CTNND2: variants seen among roughly 807,000 people sequenced by gnomAD.
The protein encoded by CTNND2 is catenin delta-2.
A neutral mutation model predicts 144.4 loss-of-function variants in CTNND2; 22 were observed. That is an observed-to-expected ratio of 0.15 (90% CI 0.11 to 0.22). The LOEUF (loss-of-function observed/expected upper bound fraction) is 0.22, where lower values mean the gene tolerates loss of function less well. CTNND2 is among the 10% of genes least tolerant of loss of function. The pLI is 1.00. For synonymous variants in CTNND2, 751 were observed against 695.6 expected (o/e 1.08, Z -1.25); for missense variants, 1,353 against 1,618.8 (o/e 0.84, Z 2.82).
At chr5:11,273,486 C>G (rs116625298) in intron 9 of CTNND2, among the ~76,000 whole-genome samples, 3,000 of 152,270 alleles carry the variant, frequency 0.02, 41 homozygotes, top group Middle Eastern at 0.054. Context: ...AACTCAGATG[C>G]CTTCATTAAA....
rs142850251 is a variant in CTNND2, at chr5:11,268,659, A to G, written c.1629-31836T>C. 1.4e-4 allele frequency among the ~76,000 whole-genome samples: 22 copies of G among 152,264 alleles called. 1 individual carries two copies. The highest frequency in any genetic ancestry group is 5.9e-4 in the Admixed American group (9 of 15,286). Reference sequence around the variant, plus strand: ...ATAGCAAATATATATATAAAGTACTATCACACTATAATGGTGTAATGGATT... The same window carrying G: ...ATAGCAAATATATATATAAAGTACTGTCACACTATAATGGTGTAATGGATT... On this transcript the variant is annotated intron_variant, in intron 9 of 21. Transcript: ENST00000304623.
Position 11,497,518 on chromosome 5 carries a change from G to C in CTNND2, c.287+67426C>G, listed in dbSNP as rs1206930546. Among the ~76,000 whole-genome samples, 8 of 49,600 alleles carry C rather than the reference G, an allele frequency of 1.6e-4. 1 individual carries two copies. The highest frequency in any genetic ancestry group is 7.0e-4 in the African/African-American group (8 of 11,454). The allele number at this position is 49,600 out of a possible 152,430, so 32.5% of individuals were successfully genotyped here. ...GAGGCAAAGAATGATGTGCGGGGGG[G>C]TGGGGGGGGGCAATATGTGCAAAGG... On this transcript the variant is annotated intron_variant, in intron 3 of 21. Coordinates refer to ENST00000304623, the MANE Select transcript of CTNND2 (RefSeq NM_001332.4).
chr5:11,293,004 T>C (rs1048923620), intron 9 of CTNND2, among the ~76,000 whole-genome samples: 1 of 152,192 alleles, frequency 6.6e-6, no homozygotes, highest in Admixed American at 6.5e-5. Context: ...GCCAATGTGC[T>C]AAAATCCTTC....
At chr5:11,690,358 T>C (rs574268948) in intron 2 of CTNND2, among the ~76,000 whole-genome samples, 95 of 152,348 alleles carry the variant, frequency 6.2e-4, no homozygotes, top group South Asian at 1.4e-3. Flanking sequence ...GCAAATTGTA[T>C]AGTCCTCAAA....
At chr5:11,132,601 G>A (rs1009531533) in intron 12 of CTNND2, among the ~76,000 whole-genome samples, 1 of 152,162 alleles carries the variant, frequency 6.6e-6, no homozygotes, top group Non-Finnish European at 1.5e-5. Context: ...CCCAGAATGT[G>A]AGAAATACAT....
chr5:11,397,278 G>C, intron 5 of CTNND2, 75 bp from the exon 6 acceptor site: 1 of 1,309,452 alleles, frequency 7.6e-7, no homozygotes, highest in Non-Finnish European at 1.1e-6. Context: ...TTTATTGAGA[G>C]TAGCCTAGAA....
intron 18 of CTNND2, among the ~76,000 whole-genome samples, chr5:11,005,056 G>C (rs1361570509): frequency 6.6e-6 from 1 of 152,226 alleles, no homozygotes; most frequent in Non-Finnish European, 1.5e-5. Flanking sequence ...GGGAAGGACT[G>C]CTATTAGCCT....
rs117454013 is a variant in CTNND2 at position 11,305,224 on chromosome 5, A to G, written c.1628+41148T>C. On this transcript the variant is annotated intron_variant, in intron 9 of 21. Coordinates refer to ENST00000304623, the MANE Select transcript of CTNND2 (RefSeq NM_001332.4). ...CAGGTACTATTACCATCTCCGTTTG[A>G]CAGATGAGGAACCTGGCACAGGAAG... Among the ~76,000 whole-genome samples, 138 of 152,308 alleles carry G rather than the reference A, an allele frequency of 9.1e-4. 3 individuals carry two copies. The East Asian group carries it at 0.018, about 20-fold the overall frequency.
At chr5:11,545,136 G>A (rs1312492525) in intron 3 of CTNND2, among the ~76,000 whole-genome samples, 47 of 122,070 alleles carry the variant, frequency 3.9e-4, no homozygotes, top group African/African-American at 6.8e-4. Flanking sequence ...AAAAAAAAAA[G>A]GAAAAAAAAA....
intron 11 of CTNND2, among the ~76,000 whole-genome samples, chr5:11,193,246 C>T (rs139237994): frequency 8.3e-4 from 127 of 152,260 alleles, no homozygotes; most frequent in African/African-American, 3.0e-3. Flanking sequence ...CACACAATGG[C>T]AAGAGGTATT....
At chr5:11,499,882 C>A (rs967664632) in intron 3 of CTNND2, among the ~76,000 whole-genome samples, 2 of 152,054 alleles carry the variant, frequency 1.3e-5, no homozygotes, top group Non-Finnish European at 1.5e-5. Flanking sequence ...CTTGAAGAAT[C>A]TCCCACATTC....
intron 9 of CTNND2, among the ~76,000 whole-genome samples, chr5:11,258,862 T>C (rs1050646599): frequency 1.1e-4 from 17 of 152,250 alleles, no homozygotes; most frequent in Non-Finnish European, 2.9e-5. Flanking sequence ...TTCTTACTTC[T>C]CATTTCCCTC....
chr5:11,802,226 C>T (rs1369865992), intron 1 of CTNND2, among the ~76,000 whole-genome samples: 2 of 149,646 alleles, frequency 1.3e-5, no homozygotes, highest in African/African-American at 4.9e-5. Context: ...GAGCTGAGAT[C>T]GCACCACTGC....
intron 1 of CTNND2, among the ~76,000 whole-genome samples, chr5:11,805,004 A>G (rs1021032864): frequency 2.0e-5 from 3 of 152,176 alleles, no homozygotes; most frequent in Admixed American, 2.0e-4. Context: ...GAAAATAATC[A>G]TTTTAATCAT....
chr5:11,537,072 A>G (rs564703738), intron 3 of CTNND2, among the ~76,000 whole-genome samples: 75 of 151,918 alleles, frequency 4.9e-4, no homozygotes, highest in Middle Eastern at 3.4e-3. Flanking sequence ...GGAGGCAGCA[A>G]TTAGTCTCTA....
intron 10 of CTNND2, among the ~76,000 whole-genome samples, chr5:11,225,615 A>C (rs1740249408): frequency 6.6e-6 from 1 of 152,094 alleles, no homozygotes; most frequent in Admixed American, 6.5e-5. Context: ...AAGCACTCCC[A>C]GCTCCTTCTC....
chr5:11,891,377 A>G (rs1736946431), intron 1 of CTNND2, among the ~76,000 whole-genome samples: 1 of 152,194 alleles, frequency 6.6e-6, no homozygotes, highest in South Asian at 2.1e-4. Flanking sequence ...AAAATCTGCC[A>G]CCAGAGATTG....
At chr5:11,556,336 G>T (rs1178560918) in intron 3 of CTNND2, among the ~76,000 whole-genome samples, 5 of 151,932 alleles carry the variant, frequency 3.3e-5, no homozygotes, top group Admixed American at 3.3e-4. Context: ...ATTTAAGCAA[G>T]AATAAATCAA....
At chr5:11,413,624 C>A (rs963829366) in intron 3 of CTNND2, among the ~76,000 whole-genome samples, 3 of 152,120 alleles carry the variant, frequency 2.0e-5, no homozygotes, top group South Asian at 2.1e-4. Flanking sequence ...TATTTTGGGG[C>A]CCTACTAGAG....
Sources: gnomAD v4.1 joint callset for allele counts (sites outside exome capture counted in the v4.1 genomes callset) on GRCh38, gnomAD v4.1.1 for gene constraint, MANE v1.5 for transcripts, NCBI Gene and HGNC (gene_info 2026-07-23, HGNC 2026-07-21) for gene names.